The following CD83 variants were observed in gnomAD, a reference collection of about 807,000 sequenced individuals.
The protein encoded by CD83 is CD83 molecule.
A neutral mutation model predicts 24.6 loss-of-function variants in CD83; 22 were observed. That is an observed-to-expected ratio of 0.90 (90% confidence interval 0.64 to 1.28). The LOEUF (loss-of-function observed/expected upper bound fraction) is 1.28, where lower values mean the gene tolerates loss of function less well. CD83 is among the 50% of genes most tolerant of loss of function. The pLI is 0.00. For missense variants in CD83, 253 were observed against 252.8 expected (o/e 1.00, Z -0.01); for synonymous variants, 101 against 103.5 (o/e 0.98, Z 0.14).
rs773489465 is a variant in CD83, at chr6:14,117,967, G to A, written c.55G>A (p.Ala19Thr). 6.2e-7 allele frequency: 1 copy of A among 1,608,696 alleles called. No individual in the cohort carries two copies. Among genetic ancestry groups the A allele is most frequent in the Non-Finnish European group, 8.5e-7 (1 of 1,178,772 alleles). Residue 19 changes from alanine to threonine, a missense_variant, in exon 2 of 5, where the codon GCG (alanine) becomes ACG (threonine). By Grantham distance (58) the Ala-to-Thr change is moderately conservative. Coordinates refer to ENST00000379153, the MANE Select transcript of CD83 (RefSeq NM_004233.4). This position sits in a 1 kb window ranked among gnomAD's most constrained non-coding sequence, Gnocchi z 4.6. ...TCTTGTAGCCTACAGCCTGGCTCCC[G>A]CGACGCCGGAGGTGAAGGTGGCTTG... is the stretch of plus-strand genomic sequence containing the variant. ...LLSCAYSLAPATPEVKVACSE... is the reference protein window; with the variant it reads ...LLSCAYSLAPTTPEVKVACSE...
intron 4 of CD83, 44 bp from the exon 5 acceptor site, chr6:14,135,064 A>C: frequency 6.2e-7 from 1 of 1,607,212 alleles, no homozygotes; most frequent in Non-Finnish European, 8.5e-7. Context: ...CAACTGCTGA[A>C]TTTTTCCAAT....
chr6:14,118,435 G>T (rs944983628), intron 2 of CD83, among the ~76,000 whole-genome samples: 19 of 152,196 alleles, frequency 1.2e-4, no homozygotes, highest in African/African-American at 4.6e-4. Context: ...CTAGATTTGG[G>T]CATTGGACAG....
Position 14,135,445 on chromosome 6 carries a change from G to C in CD83, c.*209G>C. Reference sequence around the variant, plus strand: ...CATGACCACATAGCATGAGGCCACTGCTGCTTCTCCATGGCCACCTTTTCA... The same window carrying C: ...CATGACCACATAGCATGAGGCCACTCCTGCTTCTCCATGGCCACCTTTTCA... On this transcript the variant is annotated 3_prime_UTR_variant, in exon 5 of 5. Coordinates refer to ENST00000379153, the MANE Select transcript of CD83 (RefSeq NM_004233.4). 2.0e-6 allele frequency: 1 copy of C among 510,276 alleles called. No individual in the cohort carries two copies. The highest frequency in any genetic ancestry group is 3.0e-5 in the East Asian group (1 of 33,844). The allele number at this position is 510,276 out of a possible 1,614,324, so 31.6% of individuals were successfully genotyped here. A position where few individuals can be genotyped will look rare whatever the true frequency, so the allele number is the denominator to read the frequency against.
At chr6:14,127,435 T>C (rs1007154441) in intron 2 of CD83, among the ~76,000 whole-genome samples, 2 of 152,130 alleles carry the variant, frequency 1.3e-5, no homozygotes, top group African/African-American at 4.8e-5. Context: ...GATAAAATTA[T>C]GTAAACTTAA....
chr6:14,123,377 G>A (rs1013038809), intron 2 of CD83, among the ~76,000 whole-genome samples: 10 of 152,194 alleles, frequency 6.6e-5, no homozygotes, highest in Non-Finnish European at 1.3e-4. Context: ...GGGATTACAG[G>A]CGTAAGCCAC....
chr6:14,132,281 T>C (rs1278361212), intron 3 of CD83, among the ~76,000 whole-genome samples: 1 of 152,226 alleles, frequency 6.6e-6, no homozygotes, highest in Non-Finnish European at 1.5e-5. Flanking sequence ...CTGCGTTTTC[T>C]TCTCTGATGT....
chr6:14,126,008 TTTC>T (rs1237265791), intron 2 of CD83, among the ~76,000 whole-genome samples: 1 of 152,132 alleles, frequency 6.6e-6, no homozygotes, highest in Non-Finnish European at 1.5e-5. Context: ...ATACAGCACT[TTTC>T]TTGTTTTCTC....
chr6:14,118,670 G>A, intron 2 of CD83, among the ~76,000 whole-genome samples: 1 of 152,276 alleles, frequency 6.6e-6, no homozygotes, highest in Non-Finnish European at 1.5e-5. Context: ...GCATCAGGTG[G>A]ATGCATGAGC....
At chr6:14,118,978 C>T (rs1759608780) in intron 2 of CD83, among the ~76,000 whole-genome samples, 1 of 152,184 alleles carries the variant, frequency 6.6e-6, no homozygotes, top group Admixed American at 6.5e-5. Flanking sequence ...GCACTTGTAG[C>T]TTTCCCCAAA....
intron 2 of CD83, among the ~76,000 whole-genome samples, chr6:14,124,818 G>T (rs1270563180): frequency 6.6e-6 from 1 of 152,110 alleles, no homozygotes; most frequent in Non-Finnish European, 1.5e-5. Context: ...CCCCCCAAAA[G>T]ATCAGAAGTT....
In CD83 at chr6:14,136,246, T is replaced by G. The variant is rs1178019935; in HGVS notation, c.*1010T>G. 6.6e-6 allele frequency: 1 copy of G among 152,250 alleles called. No homozygotes were observed. Among genetic ancestry groups the G allele is most frequent in the Admixed American group, 6.5e-5 (1 of 15,282 alleles). The allele number at this position is 152,250 out of a possible 1,614,324, so 9.4% of individuals were successfully genotyped here. ...ACAGATTCGAAACTCCATTGAGTCATTATCCTTGCTATGATGATGGTGTTT... is the reference window on the plus strand; with the variant it reads ...ACAGATTCGAAACTCCATTGAGTCAGTATCCTTGCTATGATGATGGTGTTT... On this transcript the variant is annotated 3_prime_UTR_variant, in exon 5 of 5. Transcript: ENST00000379153.
At chr6:14,122,924 G>T (rs1759701011) in intron 2 of CD83, among the ~76,000 whole-genome samples, 1 of 152,230 alleles carries the variant, frequency 6.6e-6, no homozygotes, top group East Asian at 1.9e-4. Context: ...AACCATTGAG[G>T]TAACCAGTGA....
At position 14,128,797 on chromosome 6, in the gene CD83, G is replaced by A. The variant is rs187566764; in HGVS notation, c.154-2723G>A. On this transcript the variant is annotated intron_variant, in intron 2 of 4. Transcript: ENST00000379153. ...TTTTGCCATTTAAAAATAACTAGCGGCCCACTGACGGTTTTGCCAGAGGCC... is the reference window on the plus strand; with the variant it reads ...TTTTGCCATTTAAAAATAACTAGCGACCCACTGACGGTTTTGCCAGAGGCC... 1.9e-4 allele frequency among the ~76,000 whole-genome samples: 29 copies of A among 152,242 alleles called. No homozygotes were observed. In the East Asian group the frequency reaches 5.0e-3, roughly 26 times the overall value.
At chr6:14,126,594 C>T (rs1158600785) in intron 2 of CD83, among the ~76,000 whole-genome samples, 1 of 152,136 alleles carries the variant, frequency 6.6e-6, no homozygotes, top group Non-Finnish European at 1.5e-5. Flanking sequence ...GTCTGTTAGA[C>T]CCAGTAAATT....
rs1759899820 is a variant in CD83, at chr6:14,129,627, C to G, written c.154-1893C>G. Among the ~76,000 whole-genome samples, 1 of 152,134 alleles carries G rather than the reference C, an allele frequency of 6.6e-6. No homozygotes were observed. The highest frequency in any genetic ancestry group is 6.5e-5 in the Admixed American group (1 of 15,274). On this transcript the variant is annotated intron_variant, in intron 2 of 4. Transcript: ENST00000379153. The surrounding 1 kb of genome is among the most constrained non-coding windows in gnomAD (Gnocchi z 4.3). Reference sequence around the variant, plus strand: ...GACCATCAAGAAATGGGATTTATGTCCGCAGACTCGGCCTGAGAAGAGCCG... The same window carrying G: ...GACCATCAAGAAATGGGATTTATGTGCGCAGACTCGGCCTGAGAAGAGCCG...
rs746795901 is a variant in CD83 at position 14,135,131 on chromosome 6, C to G, written c.513C>G (p.Ile171Met). Residue 171 changes from isoleucine to methionine, a missense_variant, in exon 5 of 5, where the codon ATC becomes ATG. Coordinates refer to ENST00000379153, the MANE Select transcript of CD83 (RefSeq NM_004233.4). ...AGAAGTTTGCACGGCTACAGAGTAT[C>G]TTCCCAGATTTTTCTAAAGCTGGCA... ...FTCKFARLQS[I>M]FPDFSKAGME... 6.2e-7 allele frequency: 1 copy of G among 1,614,026 alleles called. No individual in the cohort carries two copies. The highest frequency in any genetic ancestry group is 8.5e-7 in the Non-Finnish European group (1 of 1,180,002).
chr6:14,129,593 C>T lies in CD83; in HGVS notation c.154-1927C>T, dbSNP rs1399559261. ...GATTATTTAGGAAGGAATCTTTCCA[C>T]ACAAAAAGGACCATCAAGAAATGGG... is the stretch of plus-strand genomic sequence containing the variant. On this transcript the variant is annotated intron_variant, in intron 2 of 4. Coordinates refer to ENST00000379153, the MANE Select transcript of CD83 (RefSeq NM_004233.4). This position sits in a 1 kb window ranked among gnomAD's most constrained non-coding sequence, Gnocchi z 4.3. 6.6e-6 allele frequency among the ~76,000 whole-genome samples: 1 copy of T among 152,114 alleles called. No individual in the cohort carries two copies.
Position 14,117,869 on chromosome 6 carries a change from T to A in CD83, c.37+21T>A. On this transcript the variant is annotated intron_variant, in intron 1 of 4. Transcript: ENST00000379153. This position sits in a 1 kb window ranked among gnomAD's most constrained non-coding sequence, Gnocchi z 4.6. The stretch of plus-strand genomic sequence containing the variant: ...CTGCGGTAGGGCTCGCGAGCGCCTG[T>A]CTCGCCTGTCGCCCCCCGCCCCTCC... 1 of 1,575,850 alleles carries A rather than the reference T, an allele frequency of 6.3e-7. No individual in the cohort carries two copies. Among genetic ancestry groups the A allele is most frequent in the South Asian group, 1.1e-5 (1 of 87,714 alleles).
At chr6:14,128,563 G>T (rs1759876445) in intron 2 of CD83, among the ~76,000 whole-genome samples, 1 of 152,146 alleles carries the variant, frequency 6.6e-6, no homozygotes, top group Middle Eastern at 3.2e-3. Flanking sequence ...GCTGTTCATT[G>T]GTTTGGCAAG....
Sources: allele counts gnomAD v4.1 joint callset (sites outside exome capture counted in the v4.1 genomes callset), GRCh38; gene constraint gnomAD v4.1.1; non-coding constraint Gnocchi (gnomAD v3.1); transcripts MANE v1.5; gene names NCBI Gene and HGNC (gene_info 2026-07-23, HGNC 2026-07-21).